NEDD4L: variants seen among roughly 807,000 people sequenced by gnomAD.
NEDD4L encodes E3 ubiquitin-protein ligase NEDD4-like.
NEDD4L carries 54 observed loss-of-function variants against 148.9 expected under a neutral mutation model. The ratio of observed to expected loss-of-function variants is 0.36; its 90% CI spans 0.29 to 0.45. The LOEUF is 0.45. Among genes scored for constraint, NEDD4L ranks in the 20% least tolerant of loss-of-function variants. The pLI is 1.00. For missense variants in NEDD4L, 856 were observed against 1,233.8 expected (o/e 0.69, Z 4.59); for synonymous variants, 433 against 440.7 (o/e 0.98, Z 0.22).
Position 58,248,883 on chromosome 18 carries a change from A to G in NEDD4L, c.205-16A>G, listed in dbSNP as rs373083946. The G allele has an allele frequency of 2.1e-6, 3 of 1,407,372 alleles. No individual in the cohort carries two copies. Among genetic ancestry groups the G allele is most frequent in the South Asian group, 2.5e-5 (2 of 80,734 alleles). 87.2% of individuals were successfully genotyped at this position (1,407,372 alleles called of 1,614,324 possible). A position where few individuals can be genotyped will look rare whatever the true frequency, so the allele number is the denominator to read the frequency against. On this transcript the variant is annotated splice_polypyrimidine_tract_variant and intron_variant, in intron 3 of 30. Coordinates refer to ENST00000400345, the MANE Select transcript of NEDD4L (RefSeq NM_001144967.3). ...TTGAAAGACTAAAAGATACTACAAG[A>G]TAATTTCTCTTCCAGACACTGAACC...
At chr18:58,272,365 G>A (rs549354676) in intron 5 of NEDD4L, among the ~76,000 whole-genome samples, 1 of 152,332 alleles carries the variant, frequency 6.6e-6, no homozygotes, top group East Asian at 1.9e-4. Flanking sequence ...GCCAGGCGTA[G>A]TGACTCACAC....
intron 10 of NEDD4L, 107 bp downstream of exon 10, chr18:58,329,234 G>A: frequency 7.8e-7 from 1 of 1,283,848 alleles, no homozygotes. Context: ...TGTTGAGAAT[G>A]TAAAGATTAC....
At chr18:58,227,236 A>T (rs572333711) in intron 2 of NEDD4L, among the ~76,000 whole-genome samples, 2 of 152,336 alleles carry the variant, frequency 1.3e-5, no homozygotes, top group South Asian at 2.1e-4. Context: ...GGCATATCTC[A>T]GGTGCCTAAA....
chr18:58,339,664 C>T (rs2145097674), intron 13 of NEDD4L, among the ~76,000 whole-genome samples: 1 of 152,236 alleles, frequency 6.6e-6, no homozygotes, highest in Middle Eastern at 3.4e-3. Context: ...CTAAAATCAG[C>T]TGCTTCATGA....
chr18:58,165,385 A>T (rs1268305305), intron 1 of NEDD4L, among the ~76,000 whole-genome samples: 1 of 152,240 alleles, frequency 6.6e-6, no homozygotes, highest in Non-Finnish European at 1.5e-5. Flanking sequence ...ATTGCAGGTC[A>T]CATACAAATA....
At chr18:58,161,316 C>G (rs900561107) in intron 1 of NEDD4L, among the ~76,000 whole-genome samples, 2 of 152,174 alleles carry the variant, frequency 1.3e-5, no homozygotes, top group African/African-American at 4.8e-5. Flanking sequence ...CAGGCATGAG[C>G]CACCGTACCC....
intron 5 of NEDD4L, among the ~76,000 whole-genome samples, chr18:58,270,399 G>T (rs1230528543): frequency 6.6e-6 from 1 of 152,228 alleles, no homozygotes; most frequent in Non-Finnish European, 1.5e-5. Flanking sequence ...GCACAGGAGA[G>T]TGCAAACTGT....
intron 2 of NEDD4L, among the ~76,000 whole-genome samples, chr18:58,173,194 T>C (rs2037710055): frequency 6.6e-6 from 1 of 152,248 alleles, no homozygotes; most frequent in Non-Finnish European, 1.5e-5. Flanking sequence ...AATGCAACTT[T>C]TTAAACCTAA....
At chr18:58,285,192 G>A (rs1239791338) in intron 5 of NEDD4L, among the ~76,000 whole-genome samples, 3 of 152,150 alleles carry the variant, frequency 2.0e-5, no homozygotes, top group Admixed American at 2.0e-4. Context: ...CTGATTGTGT[G>A]TGTGCGCAGA....
chr18:58,094,079 A>C lies in NEDD4L; in HGVS notation c.48+49371A>C, dbSNP rs7236126. Among the ~76,000 whole-genome samples the C allele has an allele frequency of 4.0e-3, 613 of 152,246 alleles. 3 individuals carry two copies. Among genetic ancestry groups the C allele is most frequent in the African/African-American group, 0.013 (549 of 41,562 alleles). ...TCACTCTCTACTACCTGCAGAATAA[A>C]GGCCCAATTTCCTAGTGCAGCTTGC... On this transcript the variant is annotated intron_variant, in intron 1 of 30. Coordinates refer to ENST00000400345, the MANE Select transcript of NEDD4L (RefSeq NM_001144967.3).
intron 2 of NEDD4L, among the ~76,000 whole-genome samples, chr18:58,199,664 GCTGACT>G (rs770004704): frequency 3.0e-4 from 46 of 152,280 alleles, no homozygotes; most frequent in Admixed American, 5.2e-4. Flanking sequence ...TTGTTGAAGA[GCTGACT>G]CTGGTATTTC....
chr18:58,381,403 C>A (rs1226809989), intron 24 of NEDD4L, among the ~76,000 whole-genome samples: 1 of 152,170 alleles, frequency 6.6e-6, no homozygotes, highest in Non-Finnish European at 1.5e-5. Flanking sequence ...CAGTAGCTCT[C>A]TGGAAATTAC....
At chr18:58,357,340 C>A in intron 19 of NEDD4L, 88 bp downstream of exon 19, 2 of 1,131,688 alleles carry the variant, frequency 1.8e-6, no homozygotes, top group South Asian at 1.2e-5. Context: ...ACGGTGATGT[C>A]AAGGGACAAC....
intron 5 of NEDD4L, among the ~76,000 whole-genome samples, chr18:58,298,381 C>T (rs942433561): frequency 1.3e-5 from 2 of 152,118 alleles, no homozygotes; most frequent in African/African-American, 4.8e-5. Context: ...GTAAAATATG[C>T]AGCAACAATA....
rs990110408 is a variant in NEDD4L, at chr18:58,385,559, C to T, written c.2460C>T (p.Val820=). ...TCCAGTGGAGATTTGTGAACAGGGT[C>T]CAGAAGCAGATGAACGCCTTCTTGG... ...LVIQWRFVNR[V]QKQMNAFLEG... is the part of the protein sequence containing the mutation. The change falls in exon 26 of 31, where the codon GTC becomes GTT. Residue 820 remains valine, a synonymous_variant. Coordinates refer to ENST00000400345, the MANE Select transcript of NEDD4L (RefSeq NM_001144967.3). The T allele has an allele frequency of 1.2e-6, 2 of 1,613,812 alleles. No homozygotes were observed. The highest frequency in any genetic ancestry group is 1.3e-5 in the African/African-American group (1 of 75,030).
At chr18:58,302,505 A>C (rs1207943280) in intron 5 of NEDD4L, among the ~76,000 whole-genome samples, 1 of 152,226 alleles carries the variant, frequency 6.6e-6, no homozygotes, top group Non-Finnish European at 1.5e-5. Flanking sequence ...CCTTCATTGG[A>C]GACCAGATGA....
chr18:58,375,954 T>C (rs1195497896), intron 24 of NEDD4L, among the ~76,000 whole-genome samples: 1 of 152,168 alleles, frequency 6.6e-6, no homozygotes, highest in Non-Finnish European at 1.5e-5. Context: ...CCTGGAAGTA[T>C]CTTCCTTTCA....
chr18:58,223,120 G>A (rs997575205), intron 2 of NEDD4L, among the ~76,000 whole-genome samples: 2 of 151,882 alleles, frequency 1.3e-5, no homozygotes, highest in African/African-American at 4.8e-5. Context: ...TAGTAAGATG[G>A]AAGTCAAGAA....
chr18:58,309,696 C>CAA (rs34644761), intron 5 of NEDD4L, among the ~76,000 whole-genome samples: 9 of 137,288 alleles, frequency 6.6e-5, no homozygotes, highest in Admixed American at 2.2e-4. Flanking sequence ...GCTCCTCCTG[C>CAA]AAAAAAAAAA....
Sources: gnomAD v4.1 joint callset for allele counts (sites outside exome capture counted in the v4.1 genomes callset) on GRCh38, gnomAD v4.1.1 for gene constraint, MANE v1.5 for transcripts, NCBI Gene and HGNC (gene_info 2026-07-23, HGNC 2026-07-21) for gene names.